The following PCDHGB1 variants were observed in gnomAD, a reference collection of about 807,000 sequenced individuals.
PCDHGB1 encodes protocadherin gamma-B1.
A neutral mutation model predicts 56.6 loss-of-function variants in PCDHGB1; 34 were observed. The ratio of observed to expected loss-of-function variants is 0.60; its 90% CI spans 0.46 to 0.80. PCDHGB1 has a LOEUF of 0.80. Ranked by LOEUF, PCDHGB1 falls within the 30% of genes least tolerant of loss-of-function variation. PCDHGB1 has a pLI of 0.00. For missense variants in PCDHGB1, 1,278 were observed against 1,204.6 expected, an observed-to-expected ratio of 1.06 and a Z score of -0.90; for synonymous variants, 561 against 505.9, an observed-to-expected ratio of 1.11 and a Z score of -1.46.
intron 1 of PCDHGB1, chr5:141,441,752 C>A (rs1043293959): frequency 5.3e-6 from 2 of 377,970 alleles, no homozygotes; most frequent in Non-Finnish European, 5.3e-6. Flanking sequence ...TCGGCGTCAA[C>A]GTGAGCCTGC....
In PCDHGB1 at chr5:141,432,854, G is replaced by A. The variant is rs769962088; in HGVS notation, c.2410-61953G>A. 1 of 1,614,192 alleles carries A rather than the reference G, an allele frequency of 6.2e-7. No homozygotes were observed. On this transcript the variant is annotated intron_variant, in intron 1 of 3. Transcript: ENST00000523390. The surrounding 1 kb of genome is among the most constrained non-coding windows in gnomAD (Gnocchi z 6.0). ...TCTGTACCTGGTGGTAGCGGTGGCC[G>A]CGGTCTCCTGCGTCTTCCTGGCCTT...
chr5:141,410,154 A>C (rs1254712035), intron 1 of PCDHGB1: 1 of 1,612,962 alleles, frequency 6.2e-7, no homozygotes, highest in Non-Finnish European at 8.5e-7. Flanking sequence ...GACGGTGGAC[A>C]GCCGCCACTC....
intron 1 of PCDHGB1, chr5:141,403,427 G>T: frequency 6.2e-7 from 1 of 1,614,026 alleles, no homozygotes; most frequent in Non-Finnish European, 8.5e-7. Context: ...AGAAGCTATT[G>T]ATCCGGATGT....
intron 1 of PCDHGB1, among the ~76,000 whole-genome samples, chr5:141,438,935 G>A (rs1306603362): frequency 6.6e-6 from 1 of 151,810 alleles, no homozygotes; most frequent in African/African-American, 2.4e-5. Context: ...CAAAGTGCTG[G>A]GATTATAGGC....
intron 1 of PCDHGB1, chr5:141,400,265 G>T (rs2093992954): frequency 6.2e-7 from 1 of 1,613,876 alleles, no homozygotes. Context: ...CGCCTGCGAC[G>T]CTCCTCCAGC....
chr5:141,388,842 A>C, intron 1 of PCDHGB1: 1 of 1,614,014 alleles, frequency 6.2e-7, no homozygotes, highest in Non-Finnish European at 8.5e-7. Flanking sequence ...TTTGGAAGCA[A>C]GGGACGGTGG....
In PCDHGB1 at chr5:141,498,823, C is replaced by A. The variant is rs540865523; in HGVS notation, c.2468+3958C>A. ...TGGTGCACACCTGTAGTCCCAGCTA[C>A]TCAGGAGGCTGAGGCAGGGGAATCG... On this transcript the variant is annotated intron_variant, in intron 2 of 3. Coordinates refer to ENST00000523390, the MANE Select transcript of PCDHGB1 (RefSeq NM_018922.3). Among the ~76,000 whole-genome samples the A allele has an allele frequency of 9.2e-5, 14 of 152,166 alleles. No homozygotes were observed. The East Asian group carries it at 1.5e-3, about 17-fold the overall frequency.
chr5:141,384,787 C>A, intron 1 of PCDHGB1: 2 of 1,613,552 alleles, frequency 1.2e-6, no homozygotes, highest in Admixed American at 3.3e-5. Flanking sequence ...GCGCACGGCT[C>A]GGGCCCTGCT....
intron 1 of PCDHGB1, chr5:141,383,142 C>A (rs1778858149): frequency 1.2e-6 from 2 of 1,614,006 alleles, no homozygotes; most frequent in Admixed American, 3.3e-5. Flanking sequence ...ACCAGCGCAG[C>A]GGCAGCTTGG....
At chr5:141,370,778 C>T in intron 1 of PCDHGB1, 1 of 1,613,986 alleles carries the variant, frequency 6.2e-7, no homozygotes, top group Non-Finnish European at 8.5e-7. Flanking sequence ...ATATTAACGA[C>T]AACCCACCGA....
At chr5:141,410,828 C>A in intron 1 of PCDHGB1, 4 of 377,748 alleles carry the variant, frequency 1.1e-5, no homozygotes, top group Non-Finnish European at 1.8e-5. Context: ...TGTCACCAGA[C>A]TGAAGATATT....
chr5:141,421,670 T>A, intron 1 of PCDHGB1: 3 of 1,613,892 alleles, frequency 1.9e-6, no homozygotes, highest in Non-Finnish European at 2.5e-6. Flanking sequence ...GAGCACGCAA[T>A]TCCTGGGGCG....
chr5:141,422,414 A>G (rs2096646645), intron 1 of PCDHGB1: 1 of 1,604,894 alleles, frequency 6.2e-7, no homozygotes, highest in Admixed American at 1.7e-5. Context: ...TTTAAATTAG[A>G]AAAGACTTAT....
intron 1 of PCDHGB1, among the ~76,000 whole-genome samples, chr5:141,463,861 A>G (rs1308802167): frequency 1.3e-5 from 2 of 152,340 alleles, no homozygotes; most frequent in East Asian, 1.9e-4. Context: ...ATCTGGTTTC[A>G]CATGACTGAA....
At chr5:141,481,318 A>C (rs758947998) in intron 1 of PCDHGB1, among the ~76,000 whole-genome samples, 6 of 152,216 alleles carry the variant, frequency 3.9e-5, no homozygotes, top group Non-Finnish European at 8.8e-5. Context: ...TTCCTAAAGC[A>C]CTAGCCCCTG....
At chr5:141,421,870 G>A in intron 1 of PCDHGB1, 1 of 1,613,758 alleles carries the variant, frequency 6.2e-7, no homozygotes, top group Non-Finnish European at 8.5e-7. Flanking sequence ...CCTCCTCACA[G>A]CTTTAGATGG....
intron 1 of PCDHGB1, among the ~76,000 whole-genome samples, chr5:141,455,844 T>TA (rs2098833146): frequency 6.6e-6 from 1 of 150,818 alleles, no homozygotes; most frequent in Non-Finnish European, 1.5e-5. Flanking sequence ...TCTATCTGCA[T>TA]AAAATAATTT....
At chr5:141,464,116 T>A (rs1195883274) in intron 1 of PCDHGB1, among the ~76,000 whole-genome samples, 1 of 151,922 alleles carries the variant, frequency 6.6e-6, no homozygotes, top group African/African-American at 2.4e-5. Context: ...AATACAAAAA[T>A]TAGCTGGGTG....
intron 1 of PCDHGB1, chr5:141,362,079 T>C (rs755962280): frequency 1.7e-5 from 28 of 1,612,646 alleles, no homozygotes; most frequent in Admixed American, 1.7e-4. Context: ...CTGTGCGTGA[T>C]GGAGGACAGC....
Sources: gnomAD v4.1 joint callset for allele counts (sites outside exome capture counted in the v4.1 genomes callset) on GRCh38, gnomAD v4.1.1 for gene constraint, Gnocchi (gnomAD v3.1) non-coding constraint, MANE v1.5 for transcripts, NCBI Gene and HGNC (gene_info 2026-07-23, HGNC 2026-07-21) for gene names.